Variants in CARS1 observed in about 807,000 individuals in gnomAD.
CARS1 encodes the protein cysteinyl-tRNA synthetase 1.
In CARS1, 48 loss-of-function variants were observed where a neutral mutation model predicts 106.2. That is an observed-to-expected ratio of 0.45 (90% CI 0.36 to 0.57). CARS1 has a LOEUF of 0.57. CARS1 is among the 20% of genes least tolerant of loss of function. The pLI is 0.00. For missense variants in CARS1, 968 were observed against 1,057.2 expected, an observed-to-expected ratio of 0.92 and a Z score of 1.17; for synonymous variants, 409 against 403.4, an observed-to-expected ratio of 1.01 and a Z score of -0.17.
Position 3,021,997 on chromosome 11 carries a change from G to GACCCTCCCCACAAAC in CARS1, c.1154-1680_1154-1666dup, listed in dbSNP as rs1235421269. Among the ~76,000 whole-genome samples the GACCCTCCCCACAAAC allele has an allele frequency of 2.6e-5, 4 of 152,166 alleles. No individual in the cohort carries two copies. Among genetic ancestry groups the GACCCTCCCCACAAAC allele is most frequent in the African/African-American group, 7.2e-5 (3 of 41,502 alleles). ...AAAAAATTGATAACAGAGAACACAG[G>GACCCTCCCCACAAAC]ACCCTCCCCACAAACACCCTATCCT... On this transcript the variant is annotated intron_variant, in intron 10 of 22. Coordinates refer to ENST00000380525, the MANE Select transcript of CARS1 (RefSeq NM_001014437.3). The surrounding 1 kb of genome is among the most constrained non-coding windows in gnomAD (Gnocchi z 5.3).
At position 3,045,653 on chromosome 11, in the gene CARS1, GC is replaced by G. The variant is rs1855006281; in HGVS notation, c.274+2099del. On this transcript the variant is annotated intron_variant, in intron 2 of 22. Transcript: ENST00000380525. The surrounding 1 kb of genome is among the most constrained non-coding windows in gnomAD (Gnocchi z 5.6). The stretch of plus-strand genomic sequence containing the variant: ...CTGGTAACAGGCGGGCACACTGAGG[GC>G]CAGACACAGGCACATCTGATGCTGC... Among the ~76,000 whole-genome samples, 1 of 152,144 alleles carries G rather than the reference GC, an allele frequency of 6.6e-6. No homozygotes were observed. Among genetic ancestry groups the G allele is most frequent in the Non-Finnish European group, 1.5e-5 (1 of 68,020 alleles).
rs145083298 is a variant in CARS1 at position 3,050,501 on chromosome 11, T to C, written c.26-2500A>G. Among the ~76,000 whole-genome samples, 422 of 152,284 alleles carry C rather than the reference T, an allele frequency of 2.8e-3. 2 individuals carry two copies. The highest frequency in any genetic ancestry group is 9.9e-3 in the African/African-American group (410 of 41,550). Reference sequence around the variant, plus strand: ...GACTTGAGAGCCAGCCCTTGTCACCTGGATTCCTGCAAGCCAGACACCGCC... The same window carrying C: ...GACTTGAGAGCCAGCCCTTGTCACCCGGATTCCTGCAAGCCAGACACCGCC... On this transcript the variant is annotated intron_variant, in intron 1 of 22. Transcript: ENST00000380525. This position sits in a 1 kb window ranked among gnomAD's most constrained non-coding sequence, Gnocchi z 6.3.
In CARS1 at chr11:3,039,341, C is replaced by T. The variant is rs755507901; in HGVS notation, c.553-49G>A. On this transcript the variant is annotated intron_variant, in intron 5 of 22. Coordinates refer to ENST00000380525, the MANE Select transcript of CARS1 (RefSeq NM_001014437.3). The surrounding 1 kb of genome is among the most constrained non-coding windows in gnomAD (Gnocchi z 5.6). ...GGGAGTGATGCTTGGATCCCACATG[C>T]ATCCCTCTGCAGCAGGCCACTCTCT... The T allele has an allele frequency of 1.1e-4, 123 of 1,143,470 alleles. 1 individual carries two copies. Among genetic ancestry groups the T allele is most frequent in the Middle Eastern group, 6.0e-4 (3 of 5,002 alleles). The allele number at this position is 1,143,470 out of a possible 1,614,324, so 70.8% of individuals were successfully genotyped here. A position where few individuals can be genotyped will look rare whatever the true frequency, so the allele number is the denominator to read the frequency against.
chr11:3,029,588 G>A lies in CARS1; in HGVS notation c.802-145C>T, dbSNP rs1298033437. 1.0e-5 allele frequency: 8 copies of A among 773,714 alleles called. No individual in the cohort carries two copies. The highest frequency in any genetic ancestry group is 1.8e-5 in the African/African-American group (1 of 57,088). 47.9% of individuals were successfully genotyped at this position (773,714 alleles called of 1,614,324 possible). A position where few individuals can be genotyped will look rare whatever the true frequency, so the allele number is the denominator to read the frequency against. On this transcript the variant is annotated intron_variant, in intron 7 of 22. Transcript: ENST00000380525. This position sits in a 1 kb window ranked among gnomAD's most constrained non-coding sequence, Gnocchi z 5.9. Reference sequence around the variant, plus strand: ...AGAGCCACCGTCTCCTAGGGAGACTGTGATGCTTACACAACTGGCTCGGCA... The same window carrying A: ...AGAGCCACCGTCTCCTAGGGAGACTATGATGCTTACACAACTGGCTCGGCA...
At position 3,022,644 on chromosome 11, in the gene CARS1, C is replaced by T. The variant is rs1007873395; in HGVS notation, c.1154-2312G>A. ...CCAGAGGCAGAGTGAGTGTTTCTAGCTTTGACCCTACAAGCATGTTCATAC... is the reference window on the plus strand; with the variant it reads ...CCAGAGGCAGAGTGAGTGTTTCTAGTTTTGACCCTACAAGCATGTTCATAC... On this transcript the variant is annotated intron_variant, in intron 10 of 22. Transcript: ENST00000380525. This position sits in a 1 kb window ranked among gnomAD's most constrained non-coding sequence, Gnocchi z 4.9. Among the ~76,000 whole-genome samples, 1 of 152,210 alleles carries T rather than the reference C, an allele frequency of 6.6e-6. No homozygotes were observed. The highest frequency in any genetic ancestry group is 2.4e-5 in the African/African-American group (1 of 41,448).
intron 9 of CARS1, chr11:3,027,771 T>A (rs1290593249): frequency 4.4e-6 from 2 of 452,800 alleles, no homozygotes; most frequent in Non-Finnish European, 8.9e-6. Context: ...GGTCTAGTGG[T>A]AACGCCAGCG....
In CARS1 at chr11:3,029,612, C is replaced by T. The variant is rs1431383134; in HGVS notation, c.802-169G>A. The stretch of plus-strand genomic sequence containing the variant: ...TGTGATGCTTACACAACTGGCTCGG[C>T]AGGGACAAATACAAGACTCTACAAA... On this transcript the variant is annotated intron_variant, in intron 7 of 22. Coordinates refer to ENST00000380525, the MANE Select transcript of CARS1 (RefSeq NM_001014437.3). The surrounding 1 kb of genome is among the most constrained non-coding windows in gnomAD (Gnocchi z 5.9). 16 of 653,414 alleles carry T rather than the reference C, an allele frequency of 2.4e-5. No homozygotes were observed. The highest frequency in any genetic ancestry group is 3.6e-5 in the Non-Finnish European group (14 of 388,968). 40.5% of individuals were successfully genotyped at this position (653,414 alleles called of 1,614,324 possible). A position where few individuals can be genotyped will look rare whatever the true frequency, so the allele number is the denominator to read the frequency against.
intron 18 of CARS1, among the ~76,000 whole-genome samples, chr11:3,011,401 C>A (rs904568172): frequency 2.7e-5 from 4 of 150,834 alleles, no homozygotes; most frequent in Non-Finnish European, 5.9e-5. Flanking sequence ...GTCAGGAGAT[C>A]GAGACCATCC....
chr11:3,003,335 C>A lies in CARS1; in HGVS notation c.2218-735G>T, dbSNP rs1849565958. On this transcript the variant is annotated intron_variant, in intron 20 of 22. Transcript: ENST00000380525. The surrounding 1 kb of genome is among the most constrained non-coding windows in gnomAD (Gnocchi z 4.8). ...AGCCTAGGTTTCAGATGCTTCCCAG[C>A]CCAGTGGAGCTATCAGGTAGGCACG... 6.6e-6 allele frequency among the ~76,000 whole-genome samples: 1 copy of A among 152,186 alleles called. No individual in the cohort carries two copies. Among genetic ancestry groups the A allele is most frequent in the Non-Finnish European group, 1.5e-5 (1 of 68,036 alleles).
chr11:3,040,809 G>C lies in CARS1; in HGVS notation c.455+87C>G. The C allele has an allele frequency of 7.4e-7, 1 of 1,347,688 alleles. No individual in the cohort carries two copies. The highest frequency in any genetic ancestry group is 1.5e-5 in the African/African-American group (1 of 68,932). The allele number at this position is 1,347,688 out of a possible 1,614,324, so 83.5% of individuals were successfully genotyped here. ...CTGTAGCAGATCTAAGATCTTTGTGGACCTAAGATCGCTGCTGTGGATCCC... is the reference window on the plus strand; with the variant it reads ...CTGTAGCAGATCTAAGATCTTTGTGCACCTAAGATCGCTGCTGTGGATCCC... On this transcript the variant is annotated intron_variant, in intron 4 of 22. Coordinates refer to ENST00000380525, the MANE Select transcript of CARS1 (RefSeq NM_001014437.3). The surrounding 1 kb of genome is among the most constrained non-coding windows in gnomAD (Gnocchi z 5.8).
chr11:3,039,862 G>A lies in CARS1; in HGVS notation c.525C>T (p.Cys175=), dbSNP rs1040728623. The A allele has an allele frequency of 8.3e-6, 13 of 1,568,418 alleles. No individual in the cohort carries two copies. In the African/African-American group the frequency reaches 1.5e-4, roughly 18 times the overall value. ...KDYFKFDVFY[C]MNITDIDDKI... ...TGTCATCAATATCCGTAATGTTCAT[G>A]CAATAAAAGACATCAAATTTGAAGT... The change falls in exon 5 of 23, where the codon TGC becomes TGT. Residue 175 remains cysteine, a synonymous_variant. Coordinates refer to ENST00000380525, the MANE Select transcript of CARS1 (RefSeq NM_001014437.3). The surrounding 1 kb of genome is among the most constrained non-coding windows in gnomAD (Gnocchi z 5.6).
intron 21 of CARS1, 59 bp from the exon 22 acceptor site, chr11:3,002,112 G>A: frequency 1.8e-6 from 2 of 1,126,992 alleles, no homozygotes; most frequent in South Asian, 1.2e-5. Flanking sequence ...GCTCCGCACT[G>A]TGAACGACAT....
In CARS1 at chr11:3,052,134, G is replaced by A. The variant is rs576818538; in HGVS notation, c.26-4133C>T. Among the ~76,000 whole-genome samples, 1 of 152,230 alleles carries A rather than the reference G, an allele frequency of 6.6e-6. No homozygotes were observed. The highest frequency in any genetic ancestry group is 2.4e-5 in the African/African-American group (1 of 41,452). ...AACATCAAATGTCCTAACGGCGGCT[G>A]CAGTGGCTTTTGAGCGCTGAGGAAG... On this transcript the variant is annotated intron_variant, in intron 1 of 22. Transcript: ENST00000380525. This position sits in a 1 kb window ranked among gnomAD's most constrained non-coding sequence, Gnocchi z 4.6.
intron 1 of CARS1, 118 bp downstream of exon 1, chr11:3,057,225 C>G (rs1339025537): frequency 1.1e-6 from 1 of 908,784 alleles, no homozygotes; most frequent in African/African-American, 1.6e-5. Context: ...ACAGCTGCCC[C>G]TCAGAACCCA....
intron 2 of CARS1, 79 bp from the exon 3 acceptor site, chr11:3,042,335 GT>G: frequency 2.0e-6 from 2 of 979,832 alleles, no homozygotes; most frequent in Non-Finnish European, 3.1e-6. Flanking sequence ...TGGAGACTTG[GT>G]TTTTACAACG....
chr11:3,038,148 G>A lies in CARS1; in HGVS notation c.703C>T (p.Leu235Phe), dbSNP rs1853928232. ...ETTDPDKKQM[L>F]ERIQHAVQLA... Reference sequence around the variant, plus strand: ...TGCACTGCGTGCTGAATCCGTTCGAGCATCTGCTTTTTATCGGGATCCGTG... The same window carrying A: ...TGCACTGCGTGCTGAATCCGTTCGAACATCTGCTTTTTATCGGGATCCGTG... Residue 235 changes from leucine to phenylalanine, a missense_variant, in exon 7 of 23, where the codon CTC becomes TTC. Leu to Phe is a conservative substitution (Grantham distance 22, BLOSUM62 0). Coordinates refer to ENST00000380525, the MANE Select transcript of CARS1 (RefSeq NM_001014437.3). This position sits in a 1 kb window ranked among gnomAD's most constrained non-coding sequence, Gnocchi z 4.0. 2.5e-6 allele frequency: 4 copies of A among 1,613,932 alleles called. No homozygotes were observed. Among genetic ancestry groups the A allele is most frequent in the Non-Finnish European group, 3.4e-6 (4 of 1,179,916 alleles).
chr11:3,042,321 C>T, intron 2 of CARS1, 65 bp from the exon 3 acceptor site: 2 of 1,137,830 alleles, frequency 1.8e-6, no homozygotes, highest in South Asian at 1.3e-5. Context: ...GTCGCCTCTT[C>T]ACCTGGAGAC....
intron 21 of CARS1, 41 bp downstream of exon 21, chr11:3,002,500 C>G: frequency 6.2e-7 from 1 of 1,611,412 alleles, no homozygotes; most frequent in Non-Finnish European, 8.5e-7. Context: ...AGGGTGCACT[C>G]CTGCCCAGTA....
intron 20 of CARS1, among the ~76,000 whole-genome samples, chr11:3,002,822 C>T (rs971148217): frequency 6.6e-6 from 1 of 152,176 alleles, no homozygotes; most frequent in Non-Finnish European, 1.5e-5. Context: ...CCCTGGGTGC[C>T]TGGCCCTGCC....
Sources: gnomAD v4.1 joint callset for allele counts (sites outside exome capture counted in the v4.1 genomes callset) on GRCh38, gnomAD v4.1.1 for gene constraint, Gnocchi (gnomAD v3.1) non-coding constraint, MANE v1.5 for transcripts, NCBI Gene and HGNC (gene_info 2026-07-23, HGNC 2026-07-21) for gene names.